Variants in CACNA1G observed in about 807,000 individuals in gnomAD.
CACNA1G encodes the protein calcium voltage-gated channel subunit alpha1 G, also known as voltage-dependent T-type calcium channel subunit alpha-1G.
In CACNA1G, 67 loss-of-function variants were observed where a neutral mutation model predicts 219.4. The observed-to-expected ratio is 0.31, with a 90% CI of 0.25 to 0.37. The LOEUF is 0.37. Among genes scored for constraint, CACNA1G ranks in the 10% least tolerant of loss-of-function variants. The probability of loss-of-function intolerance (pLI) is 1.00; values close to 1 mark genes in which losing one functional copy is unlikely to be tolerated. For synonymous variants in CACNA1G, 1,296 were observed against 1,345.3 expected (o/e 0.96, Z 0.80); for missense variants, 2,380 against 3,231.4 (o/e 0.74, Z 6.39).
At chr17:50,579,820 C>T (rs2041545859) in intron 9 of CACNA1G, among the ~76,000 whole-genome samples, 1 of 152,084 alleles carries the variant, frequency 6.6e-6, no homozygotes, top group Non-Finnish European at 1.5e-5. Context: ...AGGGGCATCT[C>T]AAAAAGGTGG....
Position 50,601,171 on chromosome 17 carries a change from C to A in CACNA1G, c.3912C>A (p.Ser1304Arg). The A allele has an allele frequency of 6.2e-7, 1 of 1,613,722 alleles. No homozygotes were observed. Among genetic ancestry groups the A allele is most frequent in the Non-Finnish European group, 8.5e-7 (1 of 1,179,862 alleles). Residue 1304 changes from serine (S) to arginine (R), a missense_variant, in exon 19 of 38, where the codon AGC becomes AGA. Physicochemically the swap from Ser to Arg is moderately radical, Grantham distance 110. Coordinates refer to ENST00000359106, the MANE Select transcript of CACNA1G (RefSeq NM_018896.5). The stretch of plus-strand genomic sequence containing the variant: ...AGCGCCCCAAAATTGACCCCCACAG[C>A]GCTGTGAGTCACCAGCCCCGCTCAG... Reference protein sequence around the residue: ...AMERPKIDPHSAERIFLTLSN... With the variant: ...AMERPKIDPHRAERIFLTLSN...
Position 50,607,996 on chromosome 17 carries a change from G to A in CACNA1G, c.4682G>A (p.Arg1561Gln), listed in dbSNP as rs1363009203. Residue 1561 changes from arginine to glutamine, a missense_variant, in exon 25 of 38, where the codon CGA becomes CAA. Transcript: ENST00000359106. ...CGGCGGCGGGAGGAGAAGCGCCTAC[G>A]AAGACTGGAGAAAAAGAGAAGGAGT... is the stretch of plus-strand genomic sequence containing the variant. ...EARRREEKRL[R>Q]RLEKKRRNLM... is the part of the protein sequence containing the mutation. The A allele has an allele frequency of 4.3e-6, 7 of 1,610,850 alleles. No homozygotes were observed. The highest frequency in any genetic ancestry group is 2.2e-5 in the East Asian group (1 of 44,798).
At chr17:50,599,344 G>T (rs2046158825) in intron 16 of CACNA1G, 84 bp from the exon 17 acceptor site, 3 of 1,236,422 alleles carry the variant, frequency 2.4e-6, no homozygotes, top group Non-Finnish European at 3.3e-6. Context: ...TGATGCCAGT[G>T]AGGCTCCCAG....
intron 14 of CACNA1G, among the ~76,000 whole-genome samples, chr17:50,595,995 G>A (rs910788023): frequency 2.0e-5 from 3 of 152,182 alleles, no homozygotes; most frequent in African/African-American, 7.2e-5. Flanking sequence ...AGGGAGAGAG[G>A]TAAAAATGGG....
rs190510399 is a variant in CACNA1G at position 50,615,830 on chromosome 17, C to T, written c.4911+318C>T. 3.2e-3 allele frequency among the ~76,000 whole-genome samples: 485 copies of T among 152,340 alleles called. 7 individuals carry two copies. Among genetic ancestry groups the T allele is most frequent in the African/African-American group, 0.01 (419 of 41,578 alleles). On this transcript the variant is annotated intron_variant, in intron 27 of 37. Coordinates refer to ENST00000359106, the MANE Select transcript of CACNA1G (RefSeq NM_018896.5). ...TTGAGGGTAAAAAGGCAGATGGATGCCTGCCCTTCTGGAGTTGAGATTCTA... is the reference window on the plus strand; with the variant it reads ...TTGAGGGTAAAAAGGCAGATGGATGTCTGCCCTTCTGGAGTTGAGATTCTA...
rs1017477732 is a variant in CACNA1G, at chr17:50,618,679, G to A, written c.5452G>A (p.Glu1818Lys). ...MKDTLRDCDQ[E>K]STCYNTVISP... ...GGACACCCTCCGGGACTGTGACCAGGAGTCCACCTGCTACAACACGGTCAT... is the reference window on the plus strand; with the variant it reads ...GGACACCCTCCGGGACTGTGACCAGAAGTCCACCTGCTACAACACGGTCAT... The change falls in exon 33 of 38, where the codon GAG becomes AAG. Residue 1818 changes from glutamate (E) to lysine (K), a missense_variant. Physicochemically the swap from Glu to Lys is moderately conservative, Grantham distance 56. Transcript: ENST00000359106. The surrounding 1 kb of genome is among the most constrained non-coding windows in gnomAD (Gnocchi z 5.3). The A allele has an allele frequency of 2.7e-5, 43 of 1,613,362 alleles. No homozygotes were observed. Among genetic ancestry groups the A allele is most frequent in the Non-Finnish European group, 3.4e-5 (40 of 1,179,560 alleles).
intron 19 of CACNA1G, among the ~76,000 whole-genome samples, chr17:50,601,421 T>G (rs2046609221): frequency 6.6e-6 from 1 of 152,164 alleles, no homozygotes; most frequent in African/African-American, 2.4e-5. Context: ...TCCAGGCTAT[T>G]TCTCATGAGC....
chr17:50,614,008 C>T (rs974894502), intron 26 of CACNA1G, among the ~76,000 whole-genome samples: 6 of 152,234 alleles, frequency 3.9e-5, no homozygotes, highest in Admixed American at 6.5e-5. Flanking sequence ...AGCAGAGTGC[C>T]GGGGACTGTC....
Position 50,600,259 on chromosome 17 carries a change from A to AG in CACNA1G, c.3690+401dup, listed in dbSNP as rs1009851670. On this transcript the variant is annotated intron_variant, in intron 17 of 37. Coordinates refer to ENST00000359106, the MANE Select transcript of CACNA1G (RefSeq NM_018896.5). This position sits in a 1 kb window ranked among gnomAD's most constrained non-coding sequence, Gnocchi z 4.1. The stretch of plus-strand genomic sequence containing the variant: ...ATCCATACCCATGTGCCCCTGCCCC[A>AG]GCCCCTCATCACCACCATTCCCCCT... Among the ~76,000 whole-genome samples the AG allele has an allele frequency of 6.6e-6, 1 of 152,050 alleles. No homozygotes were observed. Among genetic ancestry groups the AG allele is most frequent in the Non-Finnish European group, 1.5e-5 (1 of 68,010 alleles).
chr17:50,568,888 C>T lies in CACNA1G; in HGVS notation c.261C>T (p.Ser87=). Residue 87 remains serine, a synonymous_variant, in exon 2 of 38, where the codon AGC becomes AGT. Transcript: ENST00000359106. Reference sequence around the variant, plus strand: ...CCAGTACCTGGTTTGAGCGCATCAGCATGTTGGTCATCCTTCTCAACTGCG... The same window carrying T: ...CCAGTACCTGGTTTGAGCGCATCAGTATGTTGGTCATCCTTCTCAACTGCG... The part of the protein sequence containing the change: ...TVCNPWFERI[S]MLVILLNCVT... 1 of 1,613,698 alleles carries T rather than the reference C, an allele frequency of 6.2e-7. No homozygotes were observed. Among genetic ancestry groups the T allele is most frequent in the Non-Finnish European group, 8.5e-7 (1 of 1,179,864 alleles).
Position 50,561,377 on chromosome 17 carries a change from C to T in CACNA1G, c.-83C>T. On this transcript the variant is annotated 5_prime_UTR_variant, in exon 1 of 38. Transcript: ENST00000359106. The stretch of plus-strand genomic sequence containing the variant: ...CCCACCAGATGTGCCCCCGCCGGGG[C>T]CCCCGGGTTGCGTGAGGACACCTCC... The T allele has an allele frequency of 6.6e-7, 1 of 1,507,940 alleles. No individual in the cohort carries two copies. Among genetic ancestry groups the T allele is most frequent in the South Asian group, 1.2e-5 (1 of 83,112 alleles). 93.4% of individuals were successfully genotyped at this position (1,507,940 alleles called of 1,614,324 possible).
chr17:50,609,910 C>G lies in CACNA1G; in HGVS notation c.4734C>G (p.Ser1578=). 6.2e-7 allele frequency: 1 copy of G among 1,611,436 alleles called. No homozygotes were observed. Among genetic ancestry groups the G allele is most frequent in the Non-Finnish European group, 8.5e-7 (1 of 1,179,792 alleles). The change falls in exon 26 of 38, where the codon TCC becomes TCG. Residue 1578 remains serine, a synonymous_variant. Coordinates refer to ENST00000359106, the MANE Select transcript of CACNA1G (RefSeq NM_018896.5). ...TAATGCTGGACGATGTAATTGCTTC[C>G]GGCAGCTCAGCCAGCGCTGCGTCAG... ...RNLMLDDVIA[S]GSSASAASEA...
chr17:50,568,270 C>T (rs551824486), intron 1 of CACNA1G, among the ~76,000 whole-genome samples: 1 of 152,118 alleles, frequency 6.6e-6, no homozygotes, highest in African/African-American at 2.4e-5. Flanking sequence ...TTGGAAACCA[C>T]CGTCTCATCC....
At chr17:50,564,516 GA>G (rs377103267) in intron 1 of CACNA1G, among the ~76,000 whole-genome samples, 1,412 of 136,620 alleles carry the variant, frequency 0.01, 24 homozygotes, top group African/African-American at 0.034. Context: ...CGGGGGAGGA[GA>G]GGGGGGGGAG....
At position 50,590,564 on chromosome 17, in the gene CACNA1G, C is replaced by A. The variant is rs758431822; in HGVS notation, c.2395C>A (p.Pro799Thr). 6 of 1,613,924 alleles carry A rather than the reference C, an allele frequency of 3.7e-6. No homozygotes were observed. Among genetic ancestry groups the A allele is most frequent in the Non-Finnish European group, 5.1e-6 (6 of 1,179,820 alleles). ...EMLLKLLVYG[P>T]FGYIKNPYNI... is the part of the protein sequence containing the mutation. ...GCTGCTGAAGCTGCTTGTGTATGGTCCCTTTGGCTACATCAAGAATCCCTA... is the reference window on the plus strand; with the variant it reads ...GCTGCTGAAGCTGCTTGTGTATGGTACCTTTGGCTACATCAAGAATCCCTA... The change falls in exon 10 of 38, where the codon CCC becomes ACC. Residue 799 changes from proline to threonine, a missense_variant. Pro to Thr is a conservative substitution (Grantham distance 38). Transcript: ENST00000359106.
Position 50,578,574 on chromosome 17 carries a change from T to C in CACNA1G, c.2301+10T>C, listed in dbSNP as rs371927634. The C allele has an allele frequency of 1.7e-5, 26 of 1,535,300 alleles. No individual in the cohort carries two copies. The African/African-American group carries it at 3.3e-4, about 20-fold the overall frequency. The stretch of plus-strand genomic sequence containing the variant: ...CGAATACCACGAGCAGGTAGGAGAG[T>C]GGGCAGAGGCAGGGCTCCTGCCAGC... On this transcript the variant is annotated intron_variant, in intron 9 of 37. Coordinates refer to ENST00000359106, the MANE Select transcript of CACNA1G (RefSeq NM_018896.5). The surrounding 1 kb of genome is among the most constrained non-coding windows in gnomAD (Gnocchi z 4.5).
At chr17:50,572,126 C>A in intron 5 of CACNA1G, 89 bp downstream of exon 5, 1 of 1,369,898 alleles carries the variant, frequency 7.3e-7, no homozygotes, top group Non-Finnish European at 1.0e-6. Context: ...TTGCTACTGA[C>A]ATATCTGTTC....
intron 9 of CACNA1G, among the ~76,000 whole-genome samples, chr17:50,588,938 G>A (rs1259917398): frequency 6.6e-6 from 1 of 152,220 alleles, no homozygotes; most frequent in Admixed American, 6.5e-5. Context: ...GGATACATTT[G>A]GGTGTCCTCA....
intron 35 of CACNA1G, among the ~76,000 whole-genome samples, chr17:50,623,656 G>A (rs887441505): frequency 3.3e-5 from 5 of 152,006 alleles, no homozygotes; most frequent in Non-Finnish European, 4.4e-5. Context: ...AGGGGGTGGG[G>A]GGCAGGGCCT....
Sources: gnomAD v4.1 joint callset for allele counts (sites outside exome capture counted in the v4.1 genomes callset) on GRCh38, gnomAD v4.1.1 for gene constraint, Gnocchi (gnomAD v3.1) non-coding constraint, MANE v1.5 for transcripts, NCBI Gene and HGNC (gene_info 2026-07-23, HGNC 2026-07-21) for gene names.